TRPM2: variants seen among roughly 807,000 people sequenced by gnomAD.
The protein encoded by TRPM2 is transient receptor potential cation channel subfamily M member 2, also known as estrogen-responsive element-associated gene 1 protein.
A neutral mutation model predicts 174.0 loss-of-function variants in TRPM2; 161 were observed. That is an observed-to-expected ratio of 0.93 (90% confidence interval 0.81 to 1.05). TRPM2 has a LOEUF of 1.05. Ranked by LOEUF, TRPM2 falls within the 50% of genes least tolerant of loss-of-function variation. The probability of loss-of-function intolerance (pLI) is 0.00; values close to 1 mark genes in which losing one functional copy is unlikely to be tolerated. For missense variants in TRPM2, 2,057 were observed against 2,038.0 expected (o/e 1.01, Z -0.18); for synonymous variants, 954 against 861.3 (o/e 1.11, Z -1.88).
rs771724780 is a variant in TRPM2, at chr21:44,425,757, C to T, written c.3725C>T (p.Ala1242Val). 20 of 1,594,716 alleles carry T rather than the reference C, an allele frequency of 1.3e-5. No homozygotes were observed. In the South Asian group the frequency reaches 2.1e-4, roughly 17 times the overall value. Reference protein sequence around the residue: ...EEPGDSYHVNARHLLYPNCPV... With the variant: ...EEPGDSYHVNVRHLLYPNCPV... ...CCGGGCGACAGCTACCACGTGAATG[C>T]CCGGCACCTCCTCTACCCCAACTGC... The change falls in exon 25 of 32, where the codon GCC (alanine) becomes GTC (valine). Residue 1242 changes from alanine (A) to valine (V), a missense_variant. Transcript: ENST00000397928.
chr21:44,397,479 A>G (rs1343091433), intron 12 of TRPM2, among the ~76,000 whole-genome samples: 2 of 152,148 alleles, frequency 1.3e-5, no homozygotes, highest in Non-Finnish European at 2.9e-5. Context: ...GGGCTGGTGC[A>G]TGTGCTGGGC....
At chr21:44,400,181 TC>T (rs1335003799) in intron 14 of TRPM2, 77 bp from the exon 15 acceptor site, 2 of 1,243,716 alleles carry the variant, frequency 1.6e-6, no homozygotes, top group Non-Finnish European at 2.3e-6. Context: ...GCACCCCGAG[TC>T]CTCAGCAGAC....
At chr21:44,426,933 G>A in intron 26 of TRPM2, 77 bp from the exon 27 acceptor site, 2 of 1,456,794 alleles carry the variant, frequency 1.4e-6, no homozygotes, top group South Asian at 2.5e-5. Flanking sequence ...CCTTGGTGGG[G>A]GGGTGATCCC....
intron 5 of TRPM2, among the ~76,000 whole-genome samples, chr21:44,371,856 G>T (rs2048550629): frequency 6.6e-6 from 1 of 152,126 alleles, no homozygotes; most frequent in Admixed American, 6.5e-5. Context: ...ATCTTGGCTG[G>T]GTGTGGGGGC....
At position 44,359,757 on chromosome 21, in the gene TRPM2, A is replaced by ATTT. The variant is rs59713228; in HGVS notation, c.255-4351_255-4349dup. Among the ~76,000 whole-genome samples the ATTT allele has an allele frequency of 1.0e-2, 1,475 of 148,100 alleles. 11 individuals carry two copies. Among genetic ancestry groups the ATTT allele is most frequent in the Non-Finnish European group, 0.015 (1,034 of 67,336 alleles). ...CACATATATATGTATATATATATAT[A>ATTT]TTTTTTTTGAGACGGAGTCTTGCTC... On this transcript the variant is annotated intron_variant, in intron 2 of 31. Coordinates refer to ENST00000397928, the MANE Select transcript of TRPM2 (RefSeq NM_003307.4).
intron 9 of TRPM2, among the ~76,000 whole-genome samples, chr21:44,383,602 C>T (rs1602181882): frequency 6.6e-6 from 1 of 152,304 alleles, no homozygotes; most frequent in East Asian, 1.9e-4. Flanking sequence ...TGATAGACTA[C>T]ATATTAGACC....
intron 19 of TRPM2, among the ~76,000 whole-genome samples, chr21:44,407,859 A>G (rs1361296099): frequency 1.3e-5 from 2 of 151,368 alleles, no homozygotes; most frequent in East Asian, 3.9e-4. Context: ...GGTTGTTTCC[A>G]CTTTTCCTTT....
intron 5 of TRPM2, among the ~76,000 whole-genome samples, chr21:44,373,531 T>C (rs2048602753): frequency 1.3e-5 from 2 of 150,134 alleles, no homozygotes; most frequent in Non-Finnish European, 3.0e-5. Flanking sequence ...GTGAATCTCT[T>C]TTCATTTTCT....
chr21:44,363,994 G>T, intron 2 of TRPM2, 120 bp from the exon 3 acceptor site: 1 of 1,075,272 alleles, frequency 9.3e-7, no homozygotes, highest in South Asian at 1.7e-5. Context: ...GGAAGGGCAG[G>T]TGCTTTGTTT....
At chr21:44,425,371 C>T (rs941819057) in intron 24 of TRPM2, 4 of 417,460 alleles carry the variant, frequency 9.6e-6, no homozygotes, top group Admixed American at 4.0e-5. Context: ...CGCCGGCCCT[C>T]AAGGAGCATA....
At position 44,364,232 on chromosome 21, in the gene TRPM2, G is replaced by A. The variant is rs772026639; in HGVS notation, c.373G>A (p.Asp125Asn). The change falls in exon 3 of 32, where the codon GAT becomes AAT. Residue 125 changes from aspartate (D) to asparagine (N), a missense_variant. Physicochemically the swap from Asp to Asn is conservative, Grantham distance 23. Coordinates refer to ENST00000397928, the MANE Select transcript of TRPM2 (RefSeq NM_003307.4). ...PKKHVQEMPT[D>N]AFGDIVFTGL... The stretch of plus-strand genomic sequence containing the variant: ...GAAACATGTCCAGGAGATGCCAACC[G>A]ATGCCTTTGGCGACATCGTCTTCAC... 1.8e-5 allele frequency: 29 copies of A among 1,614,240 alleles called. No individual in the cohort carries two copies. The South Asian group carries it at 2.7e-4, about 15-fold the overall frequency.
intron 27 of TRPM2, among the ~76,000 whole-genome samples, chr21:44,434,397 G>C (rs2051151820): frequency 6.6e-6 from 1 of 151,878 alleles, no homozygotes; most frequent in African/African-American, 2.4e-5. Context: ...CTGGTGGCGG[G>C]GATGGTGGCG....
intron 31 of TRPM2, among the ~76,000 whole-genome samples, chr21:44,441,471 C>A (rs2146436300): frequency 6.6e-6 from 1 of 152,348 alleles, no homozygotes; most frequent in African/African-American, 2.4e-5. Flanking sequence ...GGCTAAATAG[C>A]TCCCGGCAAA....
chr21:44,363,299 G>T (rs1473148868), intron 2 of TRPM2, among the ~76,000 whole-genome samples: 2 of 152,098 alleles, frequency 1.3e-5, no homozygotes, highest in Non-Finnish European at 2.9e-5. Context: ...ATGAATGTAT[G>T]ATCTTTTGTT....
intron 19 of TRPM2, among the ~76,000 whole-genome samples, chr21:44,407,435 CTT>C (rs1201530094): frequency 2.2e-5 from 3 of 135,094 alleles, no homozygotes; most frequent in Admixed American, 7.9e-5. Context: ...AGAGAGAACA[CTT>C]TTCATATAGA....
At chr21:44,441,381 A>G (rs1307217496) in intron 31 of TRPM2, among the ~76,000 whole-genome samples, 1 of 152,186 alleles carries the variant, frequency 6.6e-6, no homozygotes, top group Non-Finnish European at 1.5e-5. Flanking sequence ...GTGGATTCCC[A>G]GTACTTGGAT....
At position 44,437,164 on chromosome 21, in the gene TRPM2, TG is replaced by T; in HGVS notation, c.4167+1del. The stretch of plus-strand genomic sequence containing the variant: ...CTCTCTCCGAGCACTGGGCCCTGCC[TG>T]GGGTAAGGCTGCCGCGTGTGGGACC... Reference protein sequence around the residue: ...LPLSEHWALPGGSREPGEMLP... With the variant: ...LPLSEHWALPXGSREPGEMLP... On this transcript the variant is annotated frameshift_variant and splice_region_variant, in exon 29 of 32. Transcript: ENST00000397928. LOFTEE classifies it high-confidence loss of function. 6.4e-7 allele frequency: 1 copy of T among 1,551,086 alleles called. No individual in the cohort carries two copies. Among genetic ancestry groups the T allele is most frequent in the Non-Finnish European group, 8.7e-7 (1 of 1,146,788 alleles).
At chr21:44,435,309 C>T (rs757525027) in intron 28 of TRPM2, 92 bp downstream of exon 28, 59 of 1,397,002 alleles carry the variant, frequency 4.2e-5, no homozygotes, top group East Asian at 2.2e-4. Flanking sequence ...GCTCAGGGGC[C>T]GGGAGGGCGG....
chr21:44,364,267 C>G lies in TRPM2; in HGVS notation c.408C>G (p.Ser136Arg). The G allele has an allele frequency of 6.2e-7, 1 of 1,614,112 alleles. No individual in the cohort carries two copies. The highest frequency in any genetic ancestry group is 8.5e-7 in the Non-Finnish European group (1 of 1,179,996). ...GCGACATCGTCTTCACGGGCCTGAG[C>G]CAGAAGGTGAAAAAGGTTGGTTTCC... The part of the protein sequence containing the change: ...AFGDIVFTGL[S>R]QKVKKYVRVS... Residue 136 changes from serine (S) to arginine (R), a missense_variant, in exon 3 of 32, where the codon AGC becomes AGG. Ser to Arg is a moderately radical substitution (Grantham distance 110). Coordinates refer to ENST00000397928, the MANE Select transcript of TRPM2 (RefSeq NM_003307.4).
Sources: gnomAD v4.1 joint callset for allele counts (sites outside exome capture counted in the v4.1 genomes callset) on GRCh38, gnomAD v4.1.1 for gene constraint, MANE v1.5 for transcripts, NCBI Gene and HGNC (gene_info 2026-07-23, HGNC 2026-07-21) for gene names.